The following CDH18 variants were observed in gnomAD, a reference collection of about 807,000 sequenced individuals.
CDH18 encodes cadherin-18.
A neutral mutation model predicts 67.9 loss-of-function variants in CDH18; 31 were observed. That is an observed-to-expected ratio of 0.46 (90% CI 0.34 to 0.62). The LOEUF (loss-of-function observed/expected upper bound fraction) is 0.62, where lower values mean the gene tolerates loss of function less well. Ranked by LOEUF, CDH18 falls within the 20% of genes least tolerant of loss-of-function variation. The probability of loss-of-function intolerance (pLI) is 0.01; values close to 1 mark genes in which losing one functional copy is unlikely to be tolerated. For synonymous variants in CDH18, 362 were observed against 347.2 expected (o/e 1.04, Z -0.48); for missense variants, 890 against 975.5 (o/e 0.91, Z 1.17).
At chr5:19,920,662 C>A (rs889846070) in intron 2 of CDH18, among the ~76,000 whole-genome samples, 1 of 151,524 alleles carries the variant, frequency 6.6e-6, no homozygotes, top group Admixed American at 6.6e-5. Flanking sequence ...TACAGATGCC[C>A]GCCATCATGC....
chr5:19,599,877 A>T (rs182267473), intron 6 of CDH18, among the ~76,000 whole-genome samples: 1 of 152,142 alleles, frequency 6.6e-6, no homozygotes, highest in African/African-American at 2.4e-5. Flanking sequence ...ACAGAGCGAG[A>T]CTGTGTCTCA....
At chr5:19,512,755 A>C (rs79975104) in intron 10 of CDH18, among the ~76,000 whole-genome samples, 2,081 of 152,000 alleles carry the variant, frequency 0.014, 24 homozygotes, top group South Asian at 0.031. Context: ...GTAGGTTTTT[A>C]TTTTTCATCG....
chr5:19,589,608 G>A (rs1336789862), intron 7 of CDH18, among the ~76,000 whole-genome samples: 2 of 152,040 alleles, frequency 1.3e-5, no homozygotes, highest in South Asian at 4.1e-4. Flanking sequence ...CACAGCCTTG[G>A]CATCATGTTG....
intron 1 of CDH18, among the ~76,000 whole-genome samples, chr5:20,524,611 T>C (rs1379703892): frequency 6.6e-6 from 1 of 152,214 alleles, no homozygotes; most frequent in Admixed American, 6.6e-5. Flanking sequence ...CATATCAATA[T>C]ATCTGCATTT....
chr5:19,721,423 AG>A lies in CDH18; in HGVS notation c.566del (p.Pro189LeufsTer46). 6.2e-7 allele frequency: 1 copy of A among 1,611,634 alleles called. No homozygotes were observed. The highest frequency in any genetic ancestry group is 8.5e-7 in the Non-Finnish European group (1 of 1,178,082). On this transcript the variant is annotated frameshift_variant, in exon 5 of 13. Transcript: ENST00000382275. LOFTEE classifies it high-confidence loss of function. ...LQVTATDADD[P>X]TYGNSARVVY... is the part of the protein sequence containing the mutation. ...CCACCCGAGCGCTGTTTCCATAGGT[AG>A]GGTCATCTGCATCAGTAGCTGTCAC...
rs547191116 is a variant in CDH18 at position 20,252,935 on chromosome 5, C to CAA, written c.-518+2507_-518+2508dup. On this transcript the variant is annotated intron_variant, in intron 2 of 14. Transcript: ENST00000507958. ...TGGGCAACAGAGCGAGACTCCACCTCAAAAAAAAAAAAAGTGCACCAATAA... is the reference window on the plus strand; with the variant it reads ...TGGGCAACAGAGCGAGACTCCACCTCAAAAAAAAAAAAAAAGTGCACCAATAA... Among the ~76,000 whole-genome samples, 100 of 132,546 alleles carry CAA rather than the reference C, an allele frequency of 7.5e-4. 2 individuals carry two copies. The South Asian group carries it at 9.4e-3, about 12-fold the overall frequency. 87.0% of individuals were successfully genotyped at this position (132,546 alleles called of 152,430 possible).
At position 20,507,555 on chromosome 5, in the gene CDH18, G is replaced by A. The variant is rs575529489; in HGVS notation, c.-580+67907C>T. On this transcript the variant is annotated intron_variant, in intron 1 of 14. Coordinates refer to the CDH18 transcript ENST00000507958. ...TACTTCTGTAATGAAGAAATAACTGGAAAGAACTGAAGAAATAATTTTGAA... is the reference window on the plus strand; with the variant it reads ...TACTTCTGTAATGAAGAAATAACTGAAAAGAACTGAAGAAATAATTTTGAA... Among the ~76,000 whole-genome samples, 3 of 152,128 alleles carry A rather than the reference G, an allele frequency of 2.0e-5. No homozygotes were observed. The South Asian group carries it at 6.2e-4, about 32-fold the overall frequency.
At chr5:20,066,268 C>A (rs1742969774) in intron 2 of CDH18, among the ~76,000 whole-genome samples, 1 of 152,044 alleles carries the variant, frequency 6.6e-6, no homozygotes, top group African/African-American at 2.4e-5. Flanking sequence ...TGCTTCCACT[C>A]TCTCCCACCA....
chr5:20,334,221 C>T (rs1267376897), intron 1 of CDH18, among the ~76,000 whole-genome samples: 3 of 147,626 alleles, frequency 2.0e-5, no homozygotes, highest in Non-Finnish European at 4.5e-5. Flanking sequence ...CAGGCTCCGC[C>T]CCCTGGGGTT....
intron 1 of CDH18, among the ~76,000 whole-genome samples, chr5:20,479,737 T>C (rs1167570535): frequency 6.6e-6 from 1 of 152,102 alleles, no homozygotes; most frequent in Non-Finnish European, 1.5e-5. Flanking sequence ...AGAGGAATAG[T>C]AACAAAGAAA....
intron 5 of CDH18, among the ~76,000 whole-genome samples, chr5:19,719,774 T>TTA (rs1335586936): frequency 4.0e-5 from 6 of 151,876 alleles, no homozygotes; most frequent in Non-Finnish European, 5.9e-5. Context: ...ATAAGGATAT[T>TTA]TATATATATT....
At chr5:19,738,336 C>T (rs1482200695) in intron 4 of CDH18, among the ~76,000 whole-genome samples, 2 of 152,158 alleles carry the variant, frequency 1.3e-5, no homozygotes, top group Non-Finnish European at 2.9e-5. Flanking sequence ...AAGACATTCT[C>T]TACTTTAAGA....
At chr5:19,682,604 CAG>C (rs1360850106) in intron 5 of CDH18, among the ~76,000 whole-genome samples, 1 of 152,038 alleles carries the variant, frequency 6.6e-6, no homozygotes, top group Non-Finnish European at 1.5e-5. Flanking sequence ...AAGCAGAGGG[CAG>C]AGAGTGTAAC....
chr5:20,282,424 G>A (rs1351363493), intron 1 of CDH18, among the ~76,000 whole-genome samples: 4 of 151,998 alleles, frequency 2.6e-5, no homozygotes, highest in African/African-American at 4.8e-5. Context: ...TTAGCATGAA[G>A]GGCTGTTTAA....
chr5:19,960,934 T>C (rs1254386007), intron 2 of CDH18, among the ~76,000 whole-genome samples: 3 of 151,202 alleles, frequency 2.0e-5, no homozygotes, highest in Non-Finnish European at 4.4e-5. Context: ...TCAAGCATTA[T>C]GTAGTGTACA....
chr5:19,608,750 T>A (rs1260889468), intron 6 of CDH18, among the ~76,000 whole-genome samples: 1 of 151,844 alleles, frequency 6.6e-6, no homozygotes, highest in Admixed American at 6.6e-5. Context: ...TTATGTTAGA[T>A]TAAGCTAACA....
chr5:19,600,605 A>T (rs576931201), intron 6 of CDH18, among the ~76,000 whole-genome samples: 10 of 150,954 alleles, frequency 6.6e-5, no homozygotes, highest in Non-Finnish European at 1.5e-4. Context: ...CTTTTTCTTG[A>T]AAAAAAGAAA....
intron 2 of CDH18, among the ~76,000 whole-genome samples, chr5:20,254,488 G>A (rs1744083630): frequency 6.6e-6 from 1 of 152,116 alleles, no homozygotes; most frequent in Non-Finnish European, 1.5e-5. Context: ...AGGTGCAGAA[G>A]AAATAAAACC....
intron 8 of CDH18, among the ~76,000 whole-genome samples, chr5:19,548,931 G>C (rs1382659911): frequency 6.6e-6 from 1 of 151,878 alleles, no homozygotes; most frequent in Non-Finnish European, 1.5e-5. Flanking sequence ...TGTAGTTTTG[G>C]TAGAGACGGG....
Sources: gnomAD v4.1 joint callset for allele counts (sites outside exome capture counted in the v4.1 genomes callset) on GRCh38, gnomAD v4.1.1 for gene constraint, MANE v1.5 for transcripts, NCBI Gene and HGNC (gene_info 2026-07-23, HGNC 2026-07-21) for gene names.